The following ADAM19 variants were observed in gnomAD, a reference collection of about 807,000 sequenced individuals.
ADAM19 encodes disintegrin and metalloproteinase domain-containing protein 19.
Under a neutral mutation model 114.7 loss-of-function variants are expected in ADAM19, and 65 were observed. That is an observed-to-expected ratio of 0.57 (90% CI 0.46 to 0.70). ADAM19 has a LOEUF of 0.70. Ranked by LOEUF, ADAM19 falls within the 30% of genes least tolerant of loss-of-function variation. The pLI, the probability that ADAM19 is intolerant of heterozygous loss-of-function variation, is 0.00. For synonymous variants in ADAM19, 466 were observed against 460.5 expected, an observed-to-expected ratio of 1.01 and a Z score of -0.15; for missense variants, 1,063 against 1,204.7, an observed-to-expected ratio of 0.88 and a Z score of 1.74.
chr5:157,488,159 C>G, intron 21 of ADAM19, 106 bp downstream of exon 21: 1 of 1,162,978 alleles, frequency 8.6e-7, no homozygotes, highest in East Asian at 2.4e-5. Context: ...AAAAGGCAGT[C>G]AGCTCATGAC....
chr5:157,575,309 G>A (rs1757941718), intron 1 of ADAM19, among the ~76,000 whole-genome samples: 1 of 152,218 alleles, frequency 6.6e-6, no homozygotes, highest in Admixed American at 6.5e-5. Context: ...CGAGAACGGC[G>A]GAAAGAGAAG....
chr5:157,561,045 G>C (rs1757496015), intron 3 of ADAM19, among the ~76,000 whole-genome samples: 1 of 152,196 alleles, frequency 6.6e-6, no homozygotes, highest in Non-Finnish European at 1.5e-5. Context: ...AAGTGGCAGA[G>C]CCAGGATCTG....
chr5:157,519,011 G>A, intron 6 of ADAM19, 123 bp from the exon 7 acceptor site: 1 of 804,896 alleles, frequency 1.2e-6, no homozygotes, highest in South Asian at 1.5e-5. Flanking sequence ...TTGTCATTCG[G>A]CACTAGAGAT....
Position 157,502,788 on chromosome 5 carries a change from A to G in ADAM19, c.1308+15T>C, listed in dbSNP as rs1554079747. 1 of 1,612,278 alleles carries G rather than the reference A, an allele frequency of 6.2e-7. No homozygotes were observed. Among genetic ancestry groups the G allele is most frequent in the African/African-American group, 1.3e-5 (1 of 75,020 alleles). ...AAATTCTTCCCCTCCCACTAGCACCATTGTGACCCCTCACCTCTTCTTCTC... is the reference window on the plus strand; with the variant it reads ...AAATTCTTCCCCTCCCACTAGCACCGTTGTGACCCCTCACCTCTTCTTCTC... On this transcript the variant is annotated intron_variant, in intron 12 of 22. Transcript: ENST00000257527.
At chr5:157,519,144 T>C (rs1234817495) in intron 6 of ADAM19, among the ~76,000 whole-genome samples, 3 of 152,124 alleles carry the variant, frequency 2.0e-5, no homozygotes, top group Non-Finnish European at 4.4e-5. Flanking sequence ...GATGAGCTGA[T>C]GAGCACAGGC....
intron 4 of ADAM19, among the ~76,000 whole-genome samples, chr5:157,532,241 C>T (rs1239580832): frequency 6.6e-6 from 1 of 152,194 alleles, no homozygotes; most frequent in Non-Finnish European, 1.5e-5. Context: ...CTGGAGACAC[C>T]ATAGCCAGCA....
intron 3 of ADAM19, among the ~76,000 whole-genome samples, chr5:157,540,274 TA>T (rs1034463548): frequency 2.6e-5 from 4 of 152,236 alleles, no homozygotes; most frequent in African/African-American, 7.2e-5. Context: ...AGAGAGGTGG[TA>T]AAACGCAATG....
intron 3 of ADAM19, among the ~76,000 whole-genome samples, chr5:157,542,644 C>G (rs1756946456): frequency 6.6e-6 from 1 of 152,102 alleles, no homozygotes; most frequent in Admixed American, 6.5e-5. Context: ...AAGCCCGTCT[C>G]TACAAAAAAA....
In ADAM19 at chr5:157,477,819, G is replaced by A; in HGVS notation, c.*3130C>T. On this transcript the variant is annotated 3_prime_UTR_variant, in exon 23 of 23. Coordinates refer to ENST00000257527, the MANE Select transcript of ADAM19 (RefSeq NM_033274.5). ...AAGGCGTATTGCAGGAGGTGGGGAG[G>A]GGCTATTGCTTCAGGGGGAAGGGAC... The A allele has an allele frequency of 2.1e-6, 2 of 958,912 alleles. No individual in the cohort carries two copies. The highest frequency in any genetic ancestry group is 2.9e-6 in the Non-Finnish European group (2 of 689,060). 59.4% of individuals were successfully genotyped at this position (958,912 alleles called of 1,614,324 possible). A position where few individuals can be genotyped will look rare whatever the true frequency, so the allele number is the denominator to read the frequency against.
chr5:157,489,029 C>CAAAAACAA, intron 20 of ADAM19, 73 bp downstream of exon 20: 1 of 1,232,160 alleles, frequency 8.1e-7, no homozygotes, highest in Non-Finnish European at 1.2e-6. Context: ...GACTCCATCT[C>CAAAAACAA]AAAAAGAAAA....
intron 1 of ADAM19, among the ~76,000 whole-genome samples, chr5:157,574,382 C>T (rs933499317): frequency 3.3e-5 from 5 of 152,190 alleles, no homozygotes; most frequent in Non-Finnish European, 7.4e-5. Context: ...TGGTGCTACC[C>T]TAGAACCTCC....
At chr5:157,524,792 A>G (rs1240672135) in intron 5 of ADAM19, among the ~76,000 whole-genome samples, 1 of 152,244 alleles carries the variant, frequency 6.6e-6, no homozygotes. Flanking sequence ...AACACTGCCC[A>G]TCTCACAGAG....
At chr5:157,541,287 C>T (rs1378701333) in intron 3 of ADAM19, among the ~76,000 whole-genome samples, 12 of 152,200 alleles carry the variant, frequency 7.9e-5, no homozygotes, top group South Asian at 6.2e-4. Flanking sequence ...CAGGAAACGA[C>T]TTGTGAGTGA....
intron 3 of ADAM19, among the ~76,000 whole-genome samples, chr5:157,543,612 CTA>C (rs1756974831): frequency 6.6e-6 from 1 of 152,092 alleles, no homozygotes; most frequent in Admixed American, 6.5e-5. Flanking sequence ...CCAGCACTAG[CTA>C]TATATACACG....
At chr5:157,506,603 G>C (rs930933499) in intron 10 of ADAM19, among the ~76,000 whole-genome samples, 3 of 152,354 alleles carry the variant, frequency 2.0e-5, no homozygotes, top group Non-Finnish European at 2.9e-5. Context: ...TCACAGGTTA[G>C]AAATGAAGAG....
intron 5 of ADAM19, 54 bp downstream of exon 5, chr5:157,530,753 C>T (rs1242441843): frequency 1.3e-6 from 2 of 1,493,074 alleles, no homozygotes; most frequent in Non-Finnish European, 1.9e-6. Flanking sequence ...TATCTTGAAA[C>T]TTCCATTCCT....
chr5:157,479,359 A>C lies in ADAM19; in HGVS notation c.*1590T>G. 1.0e-6 allele frequency: 1 copy of C among 986,078 alleles called. No individual in the cohort carries two copies. Among genetic ancestry groups the C allele is most frequent in the African/African-American group, 1.7e-5 (1 of 57,356 alleles). The allele number at this position is 986,078 out of a possible 1,614,324, so 61.1% of individuals were successfully genotyped here. On this transcript the variant is annotated 3_prime_UTR_variant, in exon 23 of 23. Transcript: ENST00000257527. Reference sequence around the variant, plus strand: ...ATCAGAAGCTCAGCCTCAGCCTTGCAGTGAGGTTTTCAAGAGCAAACAATT... The same window carrying C: ...ATCAGAAGCTCAGCCTCAGCCTTGCCGTGAGGTTTTCAAGAGCAAACAATT...
intron 8 of ADAM19, among the ~76,000 whole-genome samples, chr5:157,512,405 C>T (rs923875202): frequency 3.3e-5 from 5 of 152,196 alleles, no homozygotes; most frequent in African/African-American, 9.7e-5. Flanking sequence ...TCATGAATCC[C>T]TAGCAGGCCC....
At chr5:157,560,707 T>C (rs1393450825) in intron 3 of ADAM19, among the ~76,000 whole-genome samples, 1 of 152,240 alleles carries the variant, frequency 6.6e-6, no homozygotes, top group Non-Finnish European at 1.5e-5. Flanking sequence ...TGAGGATTCA[T>C]GTGCATGTTC....
Sources: gnomAD v4.1 joint callset for allele counts (sites outside exome capture counted in the v4.1 genomes callset) on GRCh38, gnomAD v4.1.1 for gene constraint, MANE v1.5 for transcripts, NCBI Gene and HGNC (gene_info 2026-07-23, HGNC 2026-07-21) for gene names.